The following SORCS3 variants were observed in gnomAD, a reference collection of about 807,000 sequenced individuals.
SORCS3 encodes VPS10 domain-containing receptor SorCS3.
In SORCS3, 57 loss-of-function variants were observed where a neutral mutation model predicts 146.3. That is an observed-to-expected ratio of 0.39 (90% CI 0.31 to 0.49). The LOEUF (loss-of-function observed/expected upper bound fraction) is 0.49, where lower values mean the gene tolerates loss of function less well. Ranked by LOEUF, SORCS3 falls within the 20% of genes least tolerant of loss-of-function variation. The pLI, the probability that SORCS3 is intolerant of heterozygous loss-of-function variation, is 0.92. For missense variants in SORCS3, 1,341 were observed against 1,575.5 expected (o/e 0.85, Z 2.52); for synonymous variants, 653 against 618.5 (o/e 1.06, Z -0.83).
intron 1 of SORCS3, among the ~76,000 whole-genome samples, chr10:104,681,040 C>G (rs892950285): frequency 1.3e-5 from 2 of 152,244 alleles, no homozygotes; most frequent in Non-Finnish European, 2.9e-5. Context: ...CGCCTCGGTT[C>G]CCCTCTCTCC....
At chr10:105,199,493 T>C (rs138895453) in intron 14 of SORCS3, among the ~76,000 whole-genome samples, 1,708 of 152,252 alleles carry the variant, frequency 0.011, 9 homozygotes, top group Middle Eastern at 0.044. Context: ...ACTTTGCAGT[T>C]GGCAAAGTTG....
At chr10:104,835,536 C>G (rs1424516676) in intron 1 of SORCS3, among the ~76,000 whole-genome samples, 1 of 152,194 alleles carries the variant, frequency 6.6e-6, no homozygotes, top group East Asian at 1.9e-4. Context: ...TAAAGGTCCT[C>G]ACTTCACTGA....
At chr10:105,002,034 G>A (rs556743741) in intron 4 of SORCS3, among the ~76,000 whole-genome samples, 12 of 152,238 alleles carry the variant, frequency 7.9e-5, no homozygotes, top group African/African-American at 2.6e-4. Context: ...GACACGTGGG[G>A]AATGTGACTG....
chr10:104,743,441 G>T (rs911674062), intron 1 of SORCS3, among the ~76,000 whole-genome samples: 4 of 152,144 alleles, frequency 2.6e-5, no homozygotes, highest in African/African-American at 9.7e-5. Flanking sequence ...AGTCTTCTTT[G>T]TCCACATGGT....
chr10:104,744,058 A>G (rs1218265830), intron 1 of SORCS3, among the ~76,000 whole-genome samples: 1 of 152,194 alleles, frequency 6.6e-6, no homozygotes. Context: ...GGACATTATC[A>G]TCTCCATATT....
chr10:105,201,632 G>A (rs568805307), intron 16 of SORCS3, among the ~76,000 whole-genome samples: 7 of 152,248 alleles, frequency 4.6e-5, no homozygotes, highest in East Asian at 3.9e-4. Flanking sequence ...GCTCTTCTAC[G>A]TGACCTCTCT....
intron 3 of SORCS3, among the ~76,000 whole-genome samples, chr10:104,967,457 G>A (rs1031154132): frequency 6.6e-6 from 1 of 152,136 alleles, no homozygotes; most frequent in Admixed American, 6.5e-5. Flanking sequence ...ACATTGTACA[G>A]CATATCTCTA....
In SORCS3 at chr10:105,184,371, C is replaced by T. The variant is rs114772191; in HGVS notation, c.2009+6198C>T. Among the ~76,000 whole-genome samples, 404 of 152,296 alleles carry T rather than the reference C, an allele frequency of 2.7e-3. 2 individuals are homozygous for T. Among genetic ancestry groups the T allele is most frequent in the African/African-American group, 9.5e-3 (394 of 41,556 alleles). On this transcript the variant is annotated intron_variant, in intron 14 of 26. Transcript: ENST00000369701. ...TAATTCTTCACTTGCTTTTCCCCCC[C>T]AACCATTTAAAATGTAAAAATAACT...
At chr10:105,199,427 A>G (rs2056562140) in intron 14 of SORCS3, among the ~76,000 whole-genome samples, 1 of 152,150 alleles carries the variant, frequency 6.6e-6, no homozygotes, top group South Asian at 2.1e-4. Context: ...GAGGGTAGGT[A>G]GGTATTCATG....
intron 3 of SORCS3, among the ~76,000 whole-genome samples, chr10:104,923,041 C>G (rs2019102774): frequency 6.6e-6 from 1 of 152,228 alleles, no homozygotes; most frequent in Admixed American, 6.5e-5. Flanking sequence ...TGTCTGCTTT[C>G]TGCTTCTGGT....
intron 2 of SORCS3, among the ~76,000 whole-genome samples, chr10:104,849,049 C>A (rs143412440): frequency 5.8e-4 from 89 of 152,234 alleles, no homozygotes; most frequent in African/African-American, 1.9e-3. Flanking sequence ...AGCAATATGG[C>A]AAATATATTT....
At chr10:105,141,691 G>T (rs1045138405) in intron 8 of SORCS3, among the ~76,000 whole-genome samples, 7 of 152,118 alleles carry the variant, frequency 4.6e-5, no homozygotes, top group Non-Finnish European at 8.8e-5. Context: ...CTTGTGCTGA[G>T]CCCTCCATAA....
At chr10:104,681,023 A>G (rs924940968) in intron 1 of SORCS3, among the ~76,000 whole-genome samples, 2 of 152,242 alleles carry the variant, frequency 1.3e-5, no homozygotes, top group African/African-American at 4.8e-5. Context: ...CACCTTCCGC[A>G]GAGCTCCGCC....
chr10:105,100,296 ATTAT>A (rs2133749433), intron 6 of SORCS3, among the ~76,000 whole-genome samples: 1 of 152,350 alleles, frequency 6.6e-6, no homozygotes, highest in Non-Finnish European at 1.5e-5. Flanking sequence ...AAGCATGAAG[ATTAT>A]TTAGGAAATC....
intron 4 of SORCS3, among the ~76,000 whole-genome samples, chr10:105,004,297 A>G (rs999619559): frequency 6.6e-6 from 1 of 152,144 alleles, no homozygotes; most frequent in Admixed American, 6.6e-5. Context: ...TTTCAGTAAG[A>G]ACTGAGTGAA....
intron 14 of SORCS3, among the ~76,000 whole-genome samples, chr10:105,181,527 C>T (rs2119569053): frequency 6.6e-6 from 1 of 152,272 alleles, no homozygotes; most frequent in East Asian, 1.9e-4. Flanking sequence ...TTCCTGGAGG[C>T]CAGTGCTCCA....
chr10:104,691,169 A>G (rs1417623211), intron 1 of SORCS3, among the ~76,000 whole-genome samples: 1 of 152,204 alleles, frequency 6.6e-6, no homozygotes, highest in Non-Finnish European at 1.5e-5. Flanking sequence ...CCATGGTGTC[A>G]TAGCAACCAA....
At chr10:104,776,331 G>A (rs897605713) in intron 1 of SORCS3, among the ~76,000 whole-genome samples, 1 of 152,076 alleles carries the variant, frequency 6.6e-6, no homozygotes. Context: ...CCAAGGTTGG[G>A]GAATTCTTAT....
intron 3 of SORCS3, among the ~76,000 whole-genome samples, chr10:104,956,424 C>T (rs1161768658): frequency 6.6e-6 from 1 of 152,186 alleles, no homozygotes. Context: ...CAAACTGATT[C>T]TCTGTGTTTG....
Sources: allele counts gnomAD v4.1 joint callset (sites outside exome capture counted in the v4.1 genomes callset), GRCh38; gene constraint gnomAD v4.1.1; transcripts MANE v1.5; gene names NCBI Gene and HGNC (gene_info 2026-07-23, HGNC 2026-07-21).